Variants in NR3C1 observed in about 807,000 individuals in gnomAD.
NR3C1 encodes nuclear receptor subfamily 3 group C member 1.
NR3C1 carries 14 observed loss-of-function variants against 74.0 expected under a neutral mutation model. That is an observed-to-expected ratio of 0.19 (90% CI 0.12 to 0.30). The LOEUF is 0.30. Among genes scored for constraint, NR3C1 ranks in the 10% least tolerant of loss-of-function variants. NR3C1 has a pLI of 1.00. For synonymous variants in NR3C1, 308 were observed against 332.5 expected, an observed-to-expected ratio of 0.93 and a Z score of 0.80; for missense variants, 695 against 909.8, an observed-to-expected ratio of 0.76 and a Z score of 3.04.
At chr5:143,357,393 TACAAAATTGAGCATAGCA>T (rs759080599) in intron 2 of NR3C1, among the ~76,000 whole-genome samples, 28 of 152,338 alleles carry the variant, frequency 1.8e-4, no homozygotes, top group Admixed American at 3.3e-4. Flanking sequence ...ATATATGGTA[TACAAAATTGAGCATAGCA>T]ACATGAGAAA....
chr5:143,295,416 A>G (rs1460796724), intron 7 of NR3C1, 44 bp downstream of exon 7: 2 of 1,606,874 alleles, frequency 1.2e-6, no homozygotes, highest in Admixed American at 1.7e-5. Flanking sequence ...CTAGGCCTTC[A>G]TATTTCATGC....
intron 4 of NR3C1, among the ~76,000 whole-genome samples, chr5:143,303,549 C>T (rs1266064346): frequency 6.6e-6 from 1 of 151,818 alleles, no homozygotes; most frequent in African/African-American, 2.4e-5. Flanking sequence ...AAAAAGCAAT[C>T]TAGAAAGAGG....
chr5:143,400,570 C>T lies in NR3C1; in HGVS notation c.270G>A (p.Met90Ile). Residue 90 changes from methionine (M) to isoleucine (I), a missense_variant, in exon 2 of 9, where the codon ATG becomes ATA. Met to Ile is a conservative substitution (Grantham distance 10). Transcript: ENST00000394464. Reference protein sequence around the residue: ...KAVSLSMGLYMGETETKVMGN... With the variant: ...KAVSLSMGLYIGETETKVMGN... ...CCATCACTTTTGTTTCTGTCTCTCC[C>T]ATATACAGTCCCATTGAGAGTGAAA... 2 of 1,614,254 alleles carry T rather than the reference C, an allele frequency of 1.2e-6. No homozygotes were observed. The highest frequency in any genetic ancestry group is 1.1e-5 in the South Asian group (1 of 91,086).
chr5:143,347,834 G>A (rs1829571433), intron 2 of NR3C1, among the ~76,000 whole-genome samples: 1 of 152,214 alleles, frequency 6.6e-6, no homozygotes, highest in South Asian at 2.1e-4. Context: ...TTTTGTAGAG[G>A]ATAAAGTCTA....
intron 2 of NR3C1, among the ~76,000 whole-genome samples, chr5:143,347,673 C>G (rs772346465): frequency 3.9e-5 from 6 of 152,218 alleles, no homozygotes; most frequent in Non-Finnish European, 8.8e-5. Context: ...TATAAAATCA[C>G]ATTCTCATTG....
At chr5:143,331,866 C>G (rs113988246) in intron 2 of NR3C1, among the ~76,000 whole-genome samples, 5,135 of 152,260 alleles carry the variant, frequency 0.034, 155 homozygotes, top group Non-Finnish European at 0.049. Context: ...ATCTGTACAG[C>G]AAACCCCTGT....
At chr5:143,294,379 A>G in intron 7 of NR3C1, 1 of 863,994 alleles carries the variant, frequency 1.2e-6, no homozygotes, top group Non-Finnish European at 1.4e-6. Context: ...TTATAATACC[A>G]ACTAGTTCAT....
At chr5:143,364,702 A>AT (rs796829264) in intron 2 of NR3C1, among the ~76,000 whole-genome samples, 67 of 150,664 alleles carry the variant, frequency 4.4e-4, no homozygotes, top group East Asian at 1.9e-4. Flanking sequence ...TCTAAATTAG[A>AT]TTTTTTTTTT....
chr5:143,328,117 CCTCAACT>C (rs2151684808), intron 2 of NR3C1, among the ~76,000 whole-genome samples: 1 of 152,348 alleles, frequency 6.6e-6, no homozygotes, highest in African/African-American at 2.4e-5. Context: ...GGTTCCCAAA[CCTCAACT>C]CTTGTCTTCT....
At chr5:143,367,184 G>T (rs1424232028) in intron 2 of NR3C1, among the ~76,000 whole-genome samples, 1 of 152,130 alleles carries the variant, frequency 6.6e-6, no homozygotes, top group Non-Finnish European at 1.5e-5. Flanking sequence ...TGCAGAAAAA[G>T]CATTTGACAA....
intron 1 of NR3C1, among the ~76,000 whole-genome samples, chr5:143,419,756 A>T (rs902836202): frequency 6.6e-6 from 1 of 152,194 alleles, no homozygotes; most frequent in African/African-American, 2.4e-5. Flanking sequence ...TAAAATTGCT[A>T]ACAAAGTTTT....
At chr5:143,401,183 A>C (rs1472760085) in intron 1 of NR3C1, 1 of 313,502 alleles carries the variant, frequency 3.2e-6, no homozygotes, top group East Asian at 7.2e-5. Context: ...ATTACATCTG[A>C]TTATTCTGAA....
rs2151559195 is a variant in NR3C1, at chr5:143,300,924, T to TC, written c.1469-162_1469-161insG. The stretch of plus-strand genomic sequence containing the variant: ...GTGACATGGAAAAGGAGAAAAAACT[T>TC]TTTTTTTTCTGAAAGCAAAAGATCC... On this transcript the variant is annotated intron_variant, in intron 4 of 8. Coordinates refer to ENST00000394464, the MANE Select transcript of NR3C1 (RefSeq NM_000176.3). The surrounding 1 kb of genome is among the most constrained non-coding windows in gnomAD (Gnocchi z 5.2). Among the ~76,000 whole-genome samples, 1 of 151,770 alleles carries TC rather than the reference T, an allele frequency of 6.6e-6. No homozygotes were observed. Among genetic ancestry groups the TC allele is most frequent in the South Asian group, 2.1e-4 (1 of 4,790 alleles).
intron 1 of NR3C1, among the ~76,000 whole-genome samples, chr5:143,409,561 G>A (rs746970978): frequency 2.0e-5 from 3 of 152,138 alleles, no homozygotes; most frequent in African/African-American, 4.8e-5. Context: ...AGCTATCATA[G>A]CTATTATTTG....
chr5:143,398,902 G>A (rs1839740420), intron 2 of NR3C1, among the ~76,000 whole-genome samples: 1 of 152,134 alleles, frequency 6.6e-6, no homozygotes, highest in African/African-American at 2.4e-5. Flanking sequence ...GAAAATTGAA[G>A]CTTAACAATT....
At chr5:143,325,244 TGGC>T (rs1824317859) in intron 2 of NR3C1, among the ~76,000 whole-genome samples, 1 of 152,178 alleles carries the variant, frequency 6.6e-6, no homozygotes, top group Admixed American at 6.5e-5. Context: ...CTCAGAATCA[TGGC>T]GGGAGGCAAA....
At chr5:143,366,837 C>T (rs1441249344) in intron 2 of NR3C1, among the ~76,000 whole-genome samples, 1 of 152,056 alleles carries the variant, frequency 6.6e-6, no homozygotes, top group African/African-American at 2.4e-5. Flanking sequence ...AAGAAGACCC[C>T]AGATGGCTTC....
chr5:143,374,862 A>G (rs1448677538), intron 2 of NR3C1, among the ~76,000 whole-genome samples: 1 of 152,180 alleles, frequency 6.6e-6, no homozygotes, highest in Non-Finnish European at 1.5e-5. Flanking sequence ...TTGTATGCAC[A>G]CATACATGCA....
intron 1 of NR3C1, among the ~76,000 whole-genome samples, chr5:143,410,209 T>C (rs1347497049): frequency 1.3e-5 from 2 of 152,208 alleles, no homozygotes; most frequent in Admixed American, 1.3e-4. Flanking sequence ...TTCTCTCCCA[T>C]GTTCCTTTGG....
Sources: gnomAD v4.1 joint callset for allele counts (sites outside exome capture counted in the v4.1 genomes callset) on GRCh38, gnomAD v4.1.1 for gene constraint, Gnocchi (gnomAD v3.1) non-coding constraint, MANE v1.5 for transcripts, NCBI Gene and HGNC (gene_info 2026-07-23, HGNC 2026-07-21) for gene names.